Variants in PIP5K1A observed in about 807,000 individuals in gnomAD.
The protein encoded by PIP5K1A is phosphatidylinositol-4-phosphate 5-kinase type 1 alpha.
Under a neutral mutation model 72.9 loss-of-function variants are expected in PIP5K1A, and 46 were observed. The observed-to-expected ratio is 0.63, with a 90% CI of 0.50 to 0.81. The LOEUF (loss-of-function observed/expected upper bound fraction) is 0.81, where lower values mean the gene tolerates loss of function less well. Among genes scored for constraint, PIP5K1A ranks in the 30% least tolerant of loss-of-function variants. The probability of loss-of-function intolerance (pLI) is 0.00; values close to 1 mark genes in which losing one functional copy is unlikely to be tolerated. For synonymous variants in PIP5K1A, 228 were observed against 255.1 expected (o/e 0.89, Z 1.01); for missense variants, 458 against 706.1 (o/e 0.65, Z 3.98).
intron 9 of PIP5K1A, 36 bp downstream of exon 9, chr1:151,236,799 A>T: frequency 8.8e-7 from 1 of 1,135,380 alleles, no homozygotes; most frequent in Non-Finnish European, 1.3e-6. Context: ...GGGAGAACAT[A>T]GGCCCACAGC....
At chr1:151,216,939 G>A (rs587657355) in intron 1 of PIP5K1A, among the ~76,000 whole-genome samples, 691 of 23,444 alleles carry the variant, frequency 0.029, 10 homozygotes, top group African/African-American at 0.089. Flanking sequence ...TTGAGACGGA[G>A]TCTCGCTCTG....
intron 10 of PIP5K1A, 48 bp downstream of exon 10, chr1:151,238,313 C>T (rs7532935): frequency 0.67 from 812,940 of 1,220,750 alleles, 272,905 homozygotes; most frequent in Non-Finnish European, 0.7. Flanking sequence ...ATACAGATAA[C>T]CAGTCACGTT....
chr1:151,212,192 G>T (rs1686924930), intron 1 of PIP5K1A, among the ~76,000 whole-genome samples: 1 of 152,060 alleles, frequency 6.6e-6, no homozygotes, highest in African/African-American at 2.4e-5. Flanking sequence ...GTAGCTTAAC[G>T]CCTGTAATCC....
At chr1:151,246,480 C>T (rs1342299066) in intron 14 of PIP5K1A, among the ~76,000 whole-genome samples, 5 of 152,018 alleles carry the variant, frequency 3.3e-5, no homozygotes, top group African/African-American at 1.2e-4. Context: ...CAAGCAGGGG[C>T]TAGAGCATGA....
Position 151,198,742 on chromosome 1 carries a change from G to A in PIP5K1A, c.-255G>A, listed in dbSNP as rs1214512961. The A allele has an allele frequency of 5.3e-6, 3 of 568,138 alleles. No homozygotes were observed. The highest frequency in any genetic ancestry group is 1.9e-5 in the African/African-American group (1 of 53,474). The allele number at this position is 568,138 out of a possible 1,614,324, so 35.2% of individuals were successfully genotyped here. A position where few individuals can be genotyped will look rare whatever the true frequency, so the allele number is the denominator to read the frequency against. On this transcript the variant is annotated 5_prime_UTR_variant, in exon 1 of 16. Transcript: ENST00000368888. The stretch of plus-strand genomic sequence containing the variant: ...GCTTACTCTTCTGTGAAAGGGGAAA[G>A]TATCCCCTGTGGAAAGCGGTTAAAC...
intron 1 of PIP5K1A, among the ~76,000 whole-genome samples, chr1:151,215,713 G>A (rs773843399): frequency 1.3e-5 from 2 of 152,178 alleles, no homozygotes; most frequent in Non-Finnish European, 2.9e-5. Context: ...AGAGTGAAAT[G>A]ACTTGAAGTA....
rs184131008 is a variant in PIP5K1A at position 151,212,979 on chromosome 1, C to G, written c.86-11266C>G. Reference sequence around the variant, plus strand: ...GATCTCGGCTCACTGCAAAGTTCGCCTCCTGGGTTCATGCCATTCTCCTGC... The same window carrying G: ...GATCTCGGCTCACTGCAAAGTTCGCGTCCTGGGTTCATGCCATTCTCCTGC... On this transcript the variant is annotated intron_variant, in intron 1 of 15. Coordinates refer to ENST00000368888, the MANE Select transcript of PIP5K1A (RefSeq NM_001135638.2). 4.4e-3 allele frequency among the ~76,000 whole-genome samples: 661 copies of G among 150,034 alleles called. 6 individuals carry two copies. The highest frequency in any genetic ancestry group is 0.014 in the Middle Eastern group (4 of 290).
At chr1:151,241,995 CA>C (rs745437568) in intron 12 of PIP5K1A, 127 bp from the exon 13 acceptor site, 234 of 830,980 alleles carry the variant, frequency 2.8e-4, no homozygotes, top group Non-Finnish European at 3.7e-4. Flanking sequence ...TCTTTGTTGA[CA>C]TTAGCCTTTT....
upstream of PIP5K1A, among the ~76,000 whole-genome samples, chr1:151,195,639 T>C (rs941890387): frequency 6.6e-5 from 10 of 151,802 alleles, 1 homozygote; most frequent in African/African-American, 2.4e-4. Context: ...TAGTCCCAGC[T>C]ACTCGGGAGG....
intron 9 of PIP5K1A, among the ~76,000 whole-genome samples, chr1:151,237,261 AAAG>A (rs1324404432): frequency 6.6e-6 from 1 of 152,236 alleles, no homozygotes; most frequent in African/African-American, 2.4e-5. Context: ...TACAAAATGA[AAAG>A]AAGATTAATT....
intron 3 of PIP5K1A, among the ~76,000 whole-genome samples, chr1:151,224,677 GC>G (rs1688855526): frequency 6.6e-6 from 1 of 152,130 alleles, no homozygotes; most frequent in African/African-American, 2.4e-5. Flanking sequence ...TCAAACCCAG[GC>G]AGTCTGACAC....
intron 4 of PIP5K1A, among the ~76,000 whole-genome samples, chr1:151,230,740 A>G (rs1689923338): frequency 6.6e-6 from 1 of 152,186 alleles, no homozygotes; most frequent in Admixed American, 6.5e-5. Context: ...CGGTTTCACC[A>G]CATTGGCCAG....
At chr1:151,247,448 C>T (rs370818153) in intron 15 of PIP5K1A, among the ~76,000 whole-genome samples, 5 of 149,520 alleles carry the variant, frequency 3.3e-5, no homozygotes, top group Non-Finnish European at 5.9e-5. Context: ...GTTTTTGAGA[C>T]GGAGTCTTGC....
At chr1:151,208,103 A>G (rs1277313625) in intron 1 of PIP5K1A, among the ~76,000 whole-genome samples, 2 of 150,168 alleles carry the variant, frequency 1.3e-5, no homozygotes, top group African/African-American at 4.9e-5. Context: ...CAGCTGATCC[A>G]CCTGCCTTGG....
chr1:151,237,207 A>G (rs1160361923), intron 9 of PIP5K1A, among the ~76,000 whole-genome samples: 1 of 152,188 alleles, frequency 6.6e-6, no homozygotes, highest in Non-Finnish European at 1.5e-5. Flanking sequence ...CAGTAACATT[A>G]TTGTTGACAG....
intron 1 of PIP5K1A, among the ~76,000 whole-genome samples, chr1:151,216,709 C>T (rs954642400): frequency 6.6e-6 from 1 of 151,954 alleles, no homozygotes; most frequent in East Asian, 1.9e-4. Context: ...ATAATAATTG[C>T]TAGAATTTAT....
intron 1 of PIP5K1A, among the ~76,000 whole-genome samples, chr1:151,209,517 G>A (rs757312630): frequency 1.4e-5 from 2 of 147,880 alleles, no homozygotes; most frequent in Non-Finnish European, 3.0e-5. Flanking sequence ...TCTGCTCACC[G>A]CAACCTCTGC....
chr1:151,239,961 GTC>G lies in PIP5K1A; in HGVS notation c.1288_1289del (p.Val431AlafsTer8). ...WKALVHDGDT[V>X]SVHRPGFYAE... Reference sequence around the variant, plus strand: ...CATTTCTTCTGCTCTGCAGGACACTGTCTCAGTGCATCGCCCAGGCTTCTACG... The same window carrying G: ...CATTTCTTCTGCTCTGCAGGACACTGTCAGTGCATCGCCCAGGCTTCTACG... On this transcript the variant is annotated frameshift_variant, in exon 12 of 16. Transcript: ENST00000368888. LOFTEE classifies it high-confidence loss of function. 1 of 1,611,766 alleles carries G rather than the reference GTC, an allele frequency of 6.2e-7. No individual in the cohort carries two copies. The highest frequency in any genetic ancestry group is 8.5e-7 in the Non-Finnish European group (1 of 1,178,106).
intron 1 of PIP5K1A, among the ~76,000 whole-genome samples, chr1:151,209,571 C>G (rs1032732761): frequency 6.6e-6 from 1 of 151,916 alleles, no homozygotes; most frequent in Non-Finnish European, 1.5e-5. Context: ...TCCTGAGTAG[C>G]TGGGATTACA....
Sources: allele counts gnomAD v4.1 joint callset (sites outside exome capture counted in the v4.1 genomes callset), GRCh38; gene constraint gnomAD v4.1.1; transcripts MANE v1.5; gene names NCBI Gene and HGNC (gene_info 2026-07-23, HGNC 2026-07-21).